Variants in TOR1AIP2 observed in about 807,000 individuals in gnomAD.
The protein encoded by TOR1AIP2 is torsin 1A interacting protein 2, also known as torsin-1A-interacting protein 2.
TOR1AIP2 carries 20 observed loss-of-function variants against 32.6 expected under a neutral mutation model. The observed-to-expected ratio is 0.61, with a 90% CI of 0.43 to 0.89. The LOEUF (loss-of-function observed/expected upper bound fraction) is 0.89, where lower values mean the gene tolerates loss of function less well. Ranked by LOEUF, TOR1AIP2 falls within the 40% of genes least tolerant of loss-of-function variation. The pLI is 0.00. For missense variants in TOR1AIP2, 456 were observed against 553.8 expected, an observed-to-expected ratio of 0.82 and a Z score of 1.77; for synonymous variants, 214 against 210.8, an observed-to-expected ratio of 1.02 and a Z score of -0.13.
intron 3 of TOR1AIP2, chr1:179,861,071 A>C (rs1571680674): frequency 1.0e-6 from 1 of 984,846 alleles, no homozygotes; most frequent in East Asian, 1.1e-4. Flanking sequence ...TAACCTTTTC[A>C]CTCCCTGGAC....
At chr1:179,848,692 C>A (rs1255802860) in intron 5 of TOR1AIP2, among the ~76,000 whole-genome samples, 1 of 152,108 alleles carries the variant, frequency 6.6e-6, no homozygotes, top group Non-Finnish European at 1.5e-5. Context: ...GTTCCTATCA[C>A]CCCAAAGAGT....
chr1:179,850,475 AAAGT>A (rs1418174155), intron 5 of TOR1AIP2, among the ~76,000 whole-genome samples: 2 of 152,370 alleles, frequency 1.3e-5, no homozygotes, highest in Non-Finnish European at 2.9e-5. Flanking sequence ...AGTTTCCCAA[AAAGT>A]AAAAGATTTT....
chr1:179,861,521 C>T, intron 3 of TOR1AIP2: 1 of 984,610 alleles, frequency 1.0e-6, no homozygotes, highest in African/African-American at 1.7e-5. Flanking sequence ...ATTTTTGATT[C>T]ATTTTTCTTG....
chr1:179,851,740 T>C (rs1696122457), intron 4 of TOR1AIP2, among the ~76,000 whole-genome samples: 1 of 152,128 alleles, frequency 6.6e-6, no homozygotes, highest in African/African-American at 2.4e-5. Context: ...CAGCGACCAA[T>C]CTTCACATCA....
Position 179,840,403 on chromosome 1 carries a change from G to A in TOR1AIP2, c.*5668C>T, listed in dbSNP as rs1695683731. On this transcript the variant is annotated 3_prime_UTR_variant, in exon 7 of 7. Transcript: ENST00000609928. ...TGTTCTTTTTGGTTCATGTAACTGCGCTTAGCCAAAGGCAAATTTAGTTTA... is the reference window on the plus strand; with the variant it reads ...TGTTCTTTTTGGTTCATGTAACTGCACTTAGCCAAAGGCAAATTTAGTTTA... The A allele has an allele frequency of 1.3e-5, 2 of 152,168 alleles. No homozygotes were observed. Among genetic ancestry groups the A allele is most frequent in the South Asian group, 4.1e-4 (2 of 4,834 alleles). The allele number at this position is 152,168 out of a possible 1,614,324, so 9.4% of individuals were successfully genotyped here. A position where few individuals can be genotyped will look rare whatever the true frequency, so the allele number is the denominator to read the frequency against.
intron 3 of TOR1AIP2, chr1:179,862,344 ACTCT>A: frequency 1.0e-6 from 1 of 985,198 alleles, no homozygotes; most frequent in Non-Finnish European, 1.2e-6. Flanking sequence ...TCTCGAAAGC[ACTCT>A]CTCAAAGTAA....
At chr1:179,850,723 C>A in intron 5 of TOR1AIP2, 122 bp downstream of exon 5, 1 of 1,244,370 alleles carries the variant, frequency 8.0e-7, no homozygotes, top group Non-Finnish European at 1.1e-6. Context: ...GGGCAAGGCC[C>A]AAAGGCCTTA....
chr1:179,861,974 ACAG>A (rs1162093536), intron 3 of TOR1AIP2: 1 of 984,884 alleles, frequency 1.0e-6, no homozygotes, highest in African/African-American at 1.7e-5. Context: ...AGCTGTGGTA[ACAG>A]GTACATGCCA....
In TOR1AIP2 at chr1:179,846,755, G is replaced by A. The variant is rs776820108; in HGVS notation, c.729C>T (p.Ala243=). ...SSVNSYYSSP[A]QQVPKNPALE... Reference sequence around the variant, plus strand: ...AAGCTGGATTTTTGGGCACTTGCTGGGCTGGAGAGGAATAGTAGCTATTCA... The same window carrying A: ...AAGCTGGATTTTTGGGCACTTGCTGAGCTGGAGAGGAATAGTAGCTATTCA... The change falls in exon 7 of 7, where the codon GCC becomes GCT. Residue 243 remains alanine (A), a synonymous_variant. Transcript: ENST00000609928. 2.4e-5 allele frequency: 38 copies of A among 1,613,792 alleles called. No individual in the cohort carries two copies. The highest frequency in any genetic ancestry group is 3.1e-5 in the Non-Finnish European group (37 of 1,180,008).
In TOR1AIP2 at chr1:179,845,368, TG is replaced by T. The variant is rs146933487; in HGVS notation, c.*702del. Reference sequence around the variant, plus strand: ...AAGCTGAAGTAAAGATATAGCCAATTGGAATTTCTTCATTTCCAATGATTAT... The same window carrying T: ...AAGCTGAAGTAAAGATATAGCCAATTGAATTTCTTCATTTCCAATGATTAT... On this transcript the variant is annotated 3_prime_UTR_variant, in exon 7 of 7. Coordinates refer to ENST00000609928, the MANE Select transcript of TOR1AIP2 (RefSeq NM_001199260.2). 85 of 152,356 alleles carry T rather than the reference TG, an allele frequency of 5.6e-4. 1 individual carries two copies. Among genetic ancestry groups the T allele is most frequent in the African/African-American group, 1.9e-3 (80 of 41,586 alleles). The allele number at this position is 152,356 out of a possible 1,614,324, so 9.4% of individuals were successfully genotyped here. A position where few individuals can be genotyped will look rare whatever the true frequency, so the allele number is the denominator to read the frequency against.
At chr1:179,852,874 C>T in intron 3 of TOR1AIP2, 63 bp from the exon 4 acceptor site, 1 of 1,182,244 alleles carries the variant, frequency 8.5e-7, no homozygotes, top group South Asian at 2.5e-5. Flanking sequence ...ATGCAAGTAT[C>T]AGCTTTATTT....
rs754986193 is a variant in TOR1AIP2 at position 179,844,327 on chromosome 1, T to C, written c.*1744A>G. 3 of 152,336 alleles carry C rather than the reference T, an allele frequency of 2.0e-5. No homozygotes were observed. The highest frequency in any genetic ancestry group is 4.8e-5 in the African/African-American group (2 of 41,580). The allele number at this position is 152,336 out of a possible 1,614,324, so 9.4% of individuals were successfully genotyped here. A position where few individuals can be genotyped will look rare whatever the true frequency, so the allele number is the denominator to read the frequency against. ...CCTTCAGGTATGCCCCTACACTCAA[T>C]TGAGCAATTACTCAATTGTAATCTT... On this transcript the variant is annotated 3_prime_UTR_variant, in exon 7 of 7. Transcript: ENST00000609928.
intron 3 of TOR1AIP2, chr1:179,865,185 A>G: frequency 3.2e-6 from 5 of 1,585,874 alleles, no homozygotes; most frequent in Non-Finnish European, 4.3e-6. Flanking sequence ...ATCTGGACCT[A>G]GAAAGACAAC....
At chr1:179,867,434 G>A (rs1696828368) in intron 2 of TOR1AIP2, 1 of 152,208 alleles carries the variant, frequency 6.6e-6, no homozygotes, top group Admixed American at 6.5e-5. Flanking sequence ...ACCAGTGAAA[G>A]CTTCAGCTAC....
intron 3 of TOR1AIP2, chr1:179,864,413 G>A: frequency 1.8e-5 from 18 of 996,374 alleles, no homozygotes; most frequent in Non-Finnish European, 1.9e-5. Flanking sequence ...GTTATCATTA[G>A]AAATACCACT....
chr1:179,850,659 C>A (rs1277247543), intron 5 of TOR1AIP2, among the ~76,000 whole-genome samples, 186 bp downstream of exon 5: 1 of 152,202 alleles, frequency 6.6e-6, no homozygotes, highest in Non-Finnish European at 1.5e-5. Flanking sequence ...ATGAGCTAGC[C>A]TAGATGAGAA....
Position 179,846,598 on chromosome 1 carries a change from T to C in TOR1AIP2, c.886A>G (p.Ile296Val), listed in dbSNP as rs942995778. Residue 296 changes from isoleucine to valine, a missense_variant, in exon 7 of 7, where the codon ATC becomes GTC. By Grantham distance (29) the Ile-to-Val change is conservative. Coordinates refer to ENST00000609928, the MANE Select transcript of TOR1AIP2 (RefSeq NM_001199260.2). Reference sequence around the variant, plus strand: ...CCCTCCCGAGCTGCTGTAAATATGATGGTGGCTGGCTCAGTGGGGTTGGAA... The same window carrying C: ...CCCTCCCGAGCTGCTGTAAATATGACGGTGGCTGGCTCAGTGGGGTTGGAA... Reference protein sequence around the residue: ...NASNPTEPATIIFTAAREGRE... With the variant: ...NASNPTEPATVIFTAAREGRE... The C allele has an allele frequency of 1.2e-6, 2 of 1,614,054 alleles. No homozygotes were observed. The highest frequency in any genetic ancestry group is 1.3e-5 in the African/African-American group (1 of 74,922).
intron 3 of TOR1AIP2, chr1:179,864,002 C>G: frequency 1.0e-6 from 1 of 985,410 alleles, no homozygotes; most frequent in Non-Finnish European, 1.2e-6. Flanking sequence ...TTTTGTCATA[C>G]ATCTCCTGAT....
In TOR1AIP2 at chr1:179,842,636, G is replaced by T. The variant is rs1695755448; in HGVS notation, c.*3435C>A. ...AGAGTAACTAAATGGCAACGTTTAG[G>T]TACCACATACAATATTGTATGCCCA... On this transcript the variant is annotated 3_prime_UTR_variant, in exon 7 of 7. Coordinates refer to ENST00000609928, the MANE Select transcript of TOR1AIP2 (RefSeq NM_001199260.2). 2 of 152,062 alleles carry T rather than the reference G, an allele frequency of 1.3e-5. No individual in the cohort carries two copies. The highest frequency in any genetic ancestry group is 2.9e-5 in the Non-Finnish European group (2 of 68,010). 9.4% of individuals were successfully genotyped at this position (152,062 alleles called of 1,614,324 possible).
Sources: gnomAD v4.1 joint callset for allele counts (sites outside exome capture counted in the v4.1 genomes callset) on GRCh38, gnomAD v4.1.1 for gene constraint, MANE v1.5 for transcripts, NCBI Gene and HGNC (gene_info 2026-07-23, HGNC 2026-07-21) for gene names.